PTPRD: variants seen among roughly 807,000 people sequenced by gnomAD.
PTPRD encodes the protein receptor-type tyrosine-protein phosphatase delta.
In PTPRD, 34 loss-of-function variants were observed where a neutral mutation model predicts 214.5. The observed-to-expected ratio is 0.16, with a 90% CI of 0.12 to 0.21. The LOEUF is 0.21. Ranked by LOEUF, PTPRD falls within the 10% of genes least tolerant of loss-of-function variation. The probability of loss-of-function intolerance (pLI) is 1.00; values close to 1 mark genes in which losing one functional copy is unlikely to be tolerated. For missense variants in PTPRD, 2,545 were observed against 2,398.7 expected (o/e 1.06, Z -1.27); for synonymous variants, 1,128 against 845.7 (o/e 1.33, Z -5.79).
intron 14 of PTPRD, among the ~76,000 whole-genome samples, chr9:8,625,292 A>G (rs544676668): frequency 6.6e-6 from 1 of 151,996 alleles, no homozygotes; most frequent in African/African-American, 2.4e-5. Flanking sequence ...AACTAGCTTT[A>G]TTAAAAGCCA....
chr9:8,700,864 A>C (rs1394723635), intron 12 of PTPRD: 1 of 152,246 alleles, frequency 6.6e-6, no homozygotes, highest in Non-Finnish European at 1.5e-5. Flanking sequence ...AAGAGGAAGC[A>C]TAAAGTTTGG....
In PTPRD at chr9:9,425,328, T is replaced by C. The variant is rs566326412; in HGVS notation, c.-236-27846A>G. On this transcript the variant is annotated intron_variant, in intron 8 of 45. Coordinates refer to ENST00000381196, the MANE Select transcript of PTPRD (RefSeq NM_002839.4). ...TAAACCTAACAAACTTTGATGATGG[T>C]GTGTAGTGCAGCAATATTACATGTG... Among the ~76,000 whole-genome samples the C allele has an allele frequency of 3.2e-4, 48 of 150,594 alleles. No homozygotes were observed. In the South Asian group the frequency reaches 0.01, roughly 31 times the overall value.
intron 2 of PTPRD, among the ~76,000 whole-genome samples, chr9:10,467,641 C>T (rs2099003457): frequency 6.6e-6 from 1 of 150,704 alleles, no homozygotes. Context: ...ATATGTATGA[C>T]AAAAATATAC....
intron 10 of PTPRD, among the ~76,000 whole-genome samples, chr9:9,166,138 G>C (rs962853391): frequency 7.5e-6 from 1 of 133,524 alleles, no homozygotes; most frequent in Non-Finnish European, 1.7e-5. Flanking sequence ...CTCTGGGTTT[G>C]ATTTTTTTTT....
At chr9:10,285,836 C>T (rs992954464) in intron 3 of PTPRD, among the ~76,000 whole-genome samples, 6 of 151,908 alleles carry the variant, frequency 3.9e-5, no homozygotes, top group Non-Finnish European at 7.4e-5. Context: ...GTTTCGATCT[C>T]CTGACCTCGC....
chr9:8,574,295 C>T lies in PTPRD; in HGVS notation c.353-45516G>A, dbSNP rs544118777. Among the ~76,000 whole-genome samples, 5 of 152,032 alleles carry T rather than the reference C, an allele frequency of 3.3e-5. No homozygotes were observed. In the South Asian group the frequency reaches 1.0e-3, roughly 32 times the overall value. ...ATGAACACTCTTTGGCACTGTCTAT[C>T]AATAAATATTATTTTAATTTAAACT... On this transcript the variant is annotated intron_variant, in intron 14 of 45. Transcript: ENST00000381196.
intron 29 of PTPRD, 61 bp from the exon 30 acceptor site, chr9:8,484,439 T>G (rs2096954244): frequency 3.3e-6 from 5 of 1,524,342 alleles, no homozygotes; most frequent in Non-Finnish European, 4.4e-6. Context: ...ATATATTTTC[T>G]AAACCAATGT....
chr9:9,636,433 A>G (rs2095769093), intron 7 of PTPRD, among the ~76,000 whole-genome samples: 1 of 152,172 alleles, frequency 6.6e-6, no homozygotes, highest in South Asian at 2.1e-4. Flanking sequence ...CCTTTCTCCA[A>G]TGACAGATTC....
intron 11 of PTPRD, among the ~76,000 whole-genome samples, chr9:8,908,914 T>A (rs565799329): frequency 6.6e-6 from 1 of 150,780 alleles, no homozygotes; most frequent in Non-Finnish European, 1.5e-5. Context: ...AGCCTCATAA[T>A]TAAAAGGCTC....
At chr9:10,051,692 C>T (rs2097538381) in intron 3 of PTPRD, among the ~76,000 whole-genome samples, 2 of 151,662 alleles carry the variant, frequency 1.3e-5, no homozygotes, top group African/African-American at 2.4e-5. Flanking sequence ...TGAGTGAGAA[C>T]ATTCTTATGT....
chr9:9,947,502 TTA>T (rs1366158043), intron 4 of PTPRD, among the ~76,000 whole-genome samples: 4 of 21,934 alleles, frequency 1.8e-4, no homozygotes, highest in African/African-American at 4.0e-4. Context: ...TATATATATT[TTA>T]TATATATAAT....
chr9:9,344,577 T>G (rs2048115280), intron 9 of PTPRD, among the ~76,000 whole-genome samples: 1 of 152,102 alleles, frequency 6.6e-6, no homozygotes. Context: ...GATACTTGTG[T>G]TCAGCCTGTA....
At chr9:10,297,592 T>A (rs902493394) in intron 3 of PTPRD, among the ~76,000 whole-genome samples, 1 of 149,108 alleles carries the variant, frequency 6.7e-6, no homozygotes, top group Admixed American at 6.8e-5. Context: ...TTTTTTTTTT[T>A]TCCCTAAAAA....
intron 11 of PTPRD, among the ~76,000 whole-genome samples, chr9:8,770,586 T>C (rs187377405): frequency 3.3e-4 from 50 of 152,250 alleles, no homozygotes; most frequent in African/African-American, 1.2e-3. Context: ...TTTCACTAAA[T>C]CCAAAATCTT....
intron 5 of PTPRD, among the ~76,000 whole-genome samples, chr9:9,799,132 T>G (rs901278985): frequency 6.6e-6 from 1 of 152,170 alleles, no homozygotes; most frequent in Non-Finnish European, 1.5e-5. Context: ...CTCCAATTTA[T>G]ATATTTTAAA....
intron 35 of PTPRD, among the ~76,000 whole-genome samples, chr9:8,420,114 C>T (rs1355571581): frequency 2.6e-5 from 4 of 152,048 alleles, no homozygotes; most frequent in Non-Finnish European, 4.4e-5. Context: ...TAGCTGCATA[C>T]CAAAATCCTG....
At chr9:8,632,401 C>G (rs2096281611) in intron 14 of PTPRD, among the ~76,000 whole-genome samples, 1 of 151,862 alleles carries the variant, frequency 6.6e-6, no homozygotes, top group Admixed American at 6.6e-5. Context: ...CTCTATGATT[C>G]TGATTGTTTC....
intron 3 of PTPRD, among the ~76,000 whole-genome samples, chr9:10,229,785 T>C (rs2099602346): frequency 6.6e-6 from 1 of 151,842 alleles, no homozygotes; most frequent in South Asian, 2.1e-4. Flanking sequence ...CACACCAACA[T>C]AGCACACGTA....
chr9:10,223,712 T>TAATAAA (rs1554887173), intron 3 of PTPRD, among the ~76,000 whole-genome samples: 22 of 144,034 alleles, frequency 1.5e-4, no homozygotes, highest in Non-Finnish European at 3.0e-4. Flanking sequence ...ATAATAATAA[T>TAATAAA]AAAGTAGAGT....
Sources: gnomAD v4.1 joint callset for allele counts (sites outside exome capture counted in the v4.1 genomes callset) on GRCh38, gnomAD v4.1.1 for gene constraint, MANE v1.5 for transcripts, NCBI Gene and HGNC (gene_info 2026-07-23, HGNC 2026-07-21) for gene names.